E2F1: variants seen among roughly 807,000 people sequenced by gnomAD.
E2F1 encodes the protein transcription factor E2F1.
In E2F1, 7 loss-of-function variants were observed where a neutral mutation model predicts 36.9. The observed-to-expected ratio is 0.19, with a 90% CI of 0.11 to 0.36. E2F1 has a LOEUF of 0.36. E2F1 is among the 10% of genes least tolerant of loss of function. The pLI is 1.00. For missense variants in E2F1, 406 were observed against 573.6 expected, an observed-to-expected ratio of 0.71 and a Z score of 2.99; for synonymous variants, 261 against 263.1, an observed-to-expected ratio of 0.99 and a Z score of 0.08.
chr20:33,677,250 G>A lies in E2F1; in HGVS notation c.921C>T (p.Ser307=), dbSNP rs760562883. The change falls in exon 6 of 7, where the codon AGC becomes AGT. Residue 307 remains serine (S), a synonymous_variant. Coordinates refer to ENST00000343380, the MANE Select transcript of E2F1 (RefSeq NM_005225.3). ...CCTCCTGGGATGGGGTCTTCCCAGG[G>A]CTGATCCCACCTACGGTCTCCTCAG... ...LCPEETVGGI[S]PGKTPSQEVT... The A allele has an allele frequency of 9.3e-6, 15 of 1,614,038 alleles. No individual in the cohort carries two copies. The Admixed American group carries it at 1.7e-4, about 18-fold the overall frequency.
At position 33,676,698 on chromosome 20, in the gene E2F1, G is replaced by A; in HGVS notation, c.*34C>T. 1 of 1,567,818 alleles carries A rather than the reference G, an allele frequency of 6.4e-7. No individual in the cohort carries two copies. The highest frequency in any genetic ancestry group is 1.2e-5 in the South Asian group (1 of 84,432). ...CTCCAGGGCTGCAGAGACAAGGTGAGCATCTCTGGAAACCCTGGTCCCTCC... is the reference window on the plus strand; with the variant it reads ...CTCCAGGGCTGCAGAGACAAGGTGAACATCTCTGGAAACCCTGGTCCCTCC... On this transcript the variant is annotated 3_prime_UTR_variant, in exon 7 of 7. Coordinates refer to ENST00000343380, the MANE Select transcript of E2F1 (RefSeq NM_005225.3).
Position 33,678,214 on chromosome 20 carries a change from T to C in E2F1, c.712A>G (p.Thr238Ala). 6.2e-7 allele frequency: 1 copy of C among 1,612,818 alleles called. No individual in the cohort carries two copies. Among genetic ancestry groups the C allele is most frequent in the Non-Finnish European group, 8.5e-7 (1 of 1,179,088 alleles). Reference sequence around the variant, plus strand: ...ATCCAAGGATATCGCTGGCTGTCAGTGTCCTCGGAGAGCAGGCGCAGCTGC... The same window carrying C: ...ATCCAAGGATATCGCTGGCTGTCAGCGTCCTCGGAGAGCAGGCGCAGCTGC... ...TTQLRLLSED[T>A]DSQRLAYVTC... Residue 238 changes from threonine (T) to alanine (A), a missense_variant, in exon 4 of 7, where the codon ACT (threonine) becomes GCT (alanine). Thr to Ala is a moderately conservative substitution (Grantham distance 58, BLOSUM62 0). Transcript: ENST00000343380.
At chr20:33,682,717 C>A (rs942482820) in intron 1 of E2F1, among the ~76,000 whole-genome samples, 1 of 152,208 alleles carries the variant, frequency 6.6e-6, no homozygotes, top group Non-Finnish European at 1.5e-5. Context: ...AAGACATTCA[C>A]TGCTGAAAAA....
At position 33,675,603 on chromosome 20, in the gene E2F1, G is replaced by A. The variant is rs543924348; in HGVS notation, c.*1129C>T. The A allele has an allele frequency of 2.6e-5, 4 of 156,340 alleles. No individual in the cohort carries two copies. The highest frequency in any genetic ancestry group is 9.6e-5 in the African/African-American group (4 of 41,660). The allele number at this position is 156,340 out of a possible 1,614,324, so 9.7% of individuals were successfully genotyped here. ...TCGGGCACGGACAGGGAGAAGGGAA[G>A]TGGAGAATGGGCATTTCCCCAGCAA... On this transcript the variant is annotated 3_prime_UTR_variant, in exon 7 of 7. Coordinates refer to ENST00000343380, the MANE Select transcript of E2F1 (RefSeq NM_005225.3).
rs1444239480 is a variant in E2F1, at chr20:33,677,487, T to C, written c.779A>G (p.Gln260Arg). 1 of 1,614,142 alleles carries C rather than the reference T, an allele frequency of 6.2e-7. No individual in the cohort carries two copies. Among genetic ancestry groups the C allele is most frequent in the Non-Finnish European group, 8.5e-7 (1 of 1,180,016 alleles). Residue 260 changes from glutamine to arginine, a missense_variant, in exon 5 of 7, where the codon CAG (glutamine) becomes CGG (arginine). Transcript: ENST00000343380. Reference protein sequence around the residue: ...DLRSIADPAEQMVMVIKAPPE... With the variant: ...DLRSIADPAERMVMVIKAPPE... The stretch of plus-strand genomic sequence containing the variant: ...AGGGGCTTTGATCACCATAACCATC[T>C]GCTCTGCAGGGTCTGCAATGCTACG...
In E2F1 at chr20:33,676,957, G is replaced by A. The variant is rs758656204; in HGVS notation, c.1089C>T (p.Gly363=). ...CCTCGTCCACGGGAGCCCGCAGGCT[G>A]CCCATCCGGGACAACAGCGGTTCTG... ...LEQEPLLSRM[G]SLRAPVDEDR... is the part of the protein sequence containing the mutation. Residue 363 remains glycine, a synonymous_variant, in exon 7 of 7, where the codon GGC becomes GGT. Transcript: ENST00000343380. The A allele has an allele frequency of 5.8e-6, 9 of 1,564,302 alleles. No homozygotes were observed. The Admixed American group carries it at 1.7e-4, about 29-fold the overall frequency.
chr20:33,678,375 G>A (rs767675186), intron 3 of E2F1, 22 bp from the exon 4 acceptor site: 1 of 1,610,996 alleles, frequency 6.2e-7, no homozygotes, highest in Non-Finnish European at 8.5e-7. Context: ...CACCAGGGAG[G>A]GTAGGGTTAA....
At chr20:33,677,005 C>T in intron 6 of E2F1, 26 bp from the exon 7 acceptor site, 1 of 1,556,744 alleles carries the variant, frequency 6.4e-7, no homozygotes, top group Non-Finnish European at 8.7e-7. Flanking sequence ...GCATCACAGG[C>T]CGGGGATGCC....
Position 33,678,302 on chromosome 20 carries a change from C to G in E2F1, c.624G>C (p.Gln208His). 2 of 1,612,904 alleles carry G rather than the reference C, an allele frequency of 1.2e-6. No homozygotes were observed. Among genetic ancestry groups the G allele is most frequent in the Non-Finnish European group, 1.7e-6 (2 of 1,180,028 alleles). The change falls in exon 4 of 7, where the codon CAG becomes CAC. Residue 208 changes from glutamine (Q) to histidine (H), a missense_variant. By Grantham distance (24) the Gln-to-His change is conservative. Around this residue, in one of 5 missense-constraint regions of E2F1, gnomAD observed 93 missense variants for 143.3 expected, o/e 0.65. Transcript: ENST00000343380. ...CGCTCTCCTGCAGCTGTCGGAGGTC[C>G]TGGGTCAACCCCTCAAGCCGTCCGC... ...GVGGRLEGLT[Q>H]DLRQLQESEQ...
chr20:33,680,244 G>C, intron 2 of E2F1, 82 bp downstream of exon 2: 2 of 1,454,570 alleles, frequency 1.4e-6, no homozygotes, highest in South Asian at 2.4e-5. Flanking sequence ...CCAGACGTTA[G>C]CTTGCAAGCA....
Position 33,677,240 on chromosome 20 carries a change from T to G in E2F1, c.931A>C (p.Thr311Pro). Residue 311 changes from threonine to proline, a missense_variant, in exon 6 of 7, where the codon ACC becomes CCC. Coordinates refer to ENST00000343380, the MANE Select transcript of E2F1 (RefSeq NM_005225.3). ...TCAGAAGTGACCTCCTGGGATGGGGTCTTCCCAGGGCTGATCCCACCTACG... is the reference window on the plus strand; with the variant it reads ...TCAGAAGTGACCTCCTGGGATGGGGGCTTCCCAGGGCTGATCCCACCTACG... ...ETVGGISPGKTPSQEVTSEEE... is the reference protein window; with the variant it reads ...ETVGGISPGKPPSQEVTSEEE... 5 of 1,613,916 alleles carry G rather than the reference T, an allele frequency of 3.1e-6. No homozygotes were observed. The South Asian group carries it at 5.5e-5, about 18-fold the overall frequency.
intron 1 of E2F1, among the ~76,000 whole-genome samples, chr20:33,685,181 G>T (rs1276176157): frequency 6.6e-6 from 1 of 152,180 alleles, no homozygotes; most frequent in African/African-American, 2.4e-5. Flanking sequence ...CAGAGGCCCA[G>T]CCCACCTAGT....
intron 1 of E2F1, among the ~76,000 whole-genome samples, chr20:33,683,744 C>CCCAG (rs1401815551): frequency 6.6e-6 from 1 of 151,910 alleles, no homozygotes. Flanking sequence ...TGCACTCCAG[C>CCCAG]CTGGGTAACA....
intron 3 of E2F1, among the ~76,000 whole-genome samples, chr20:33,678,732 T>C (rs1485926709): frequency 1.3e-5 from 2 of 151,296 alleles, no homozygotes; most frequent in Admixed American, 6.6e-5. Flanking sequence ...GGCCAGAGGA[T>C]TGCTTGAGCC....
chr20:33,686,228 C>G lies in E2F1; in HGVS notation c.37G>C (p.Ala13Pro), dbSNP rs2018068417. 7.8e-6 allele frequency: 8 copies of G among 1,024,868 alleles called. No homozygotes were observed. Among genetic ancestry groups the G allele is most frequent in the Non-Finnish European group, 9.3e-6 (8 of 857,628 alleles). The allele number at this position is 1,024,868 out of a possible 1,614,324, so 63.5% of individuals were successfully genotyped here. The change falls in exon 1 of 7, where the codon GCG (alanine) becomes CCG (proline). Residue 13 changes from alanine to proline, a missense_variant. Transcript: ENST00000343380. The part of the protein sequence containing the change: ...LAGAPAGGPC[A>P]PALEALLGAG... The stretch of plus-strand genomic sequence containing the variant: ...CCGAGCAGGGCCTCCAGCGCCGGCG[C>G]GCATGGGCCGCCCGCAGGGGCCCCG...
chr20:33,677,504 A>G lies in E2F1; in HGVS notation c.762T>C (p.Ile254=), dbSNP rs777808893. The G allele has an allele frequency of 5.4e-5, 87 of 1,613,932 alleles. No homozygotes were observed. The highest frequency in any genetic ancestry group is 7.3e-5 in the Non-Finnish European group (86 of 1,179,982). Reference sequence around the variant, plus strand: ...TAACCATCTGCTCTGCAGGGTCTGCAATGCTACGAAGGTCCTGACACGTCA... The same window carrying G: ...TAACCATCTGCTCTGCAGGGTCTGCGATGCTACGAAGGTCCTGACACGTCA... The part of the protein sequence containing the change: ...AYVTCQDLRS[I]ADPAEQMVMV... Residue 254 remains isoleucine (I), a synonymous_variant, in exon 5 of 7, where the codon ATT becomes ATC. Transcript: ENST00000343380.
chr20:33,678,498 G>T, intron 3 of E2F1, 145 bp from the exon 4 acceptor site: 1 of 1,036,954 alleles, frequency 9.6e-7, no homozygotes, highest in Non-Finnish European at 1.4e-6. Flanking sequence ...TGGCTCCTCA[G>T]CTGGGCTCCA....
chr20:33,681,511 G>A (rs1278707320), intron 1 of E2F1, among the ~76,000 whole-genome samples: 2 of 152,140 alleles, frequency 1.3e-5, no homozygotes, highest in South Asian at 2.1e-4. Flanking sequence ...GGCAACTAAA[G>A]CCCAGGGAGG....
chr20:33,684,013 C>A (rs761439506), intron 1 of E2F1, among the ~76,000 whole-genome samples: 46 of 152,304 alleles, frequency 3.0e-4, no homozygotes, highest in Non-Finnish European at 5.9e-4. Flanking sequence ...ACTTTCTGGA[C>A]TTCAGTTCCA....
Sources: gnomAD v4.1 joint callset for allele counts (sites outside exome capture counted in the v4.1 genomes callset) on GRCh38, gnomAD v4.1.1 for gene constraint, gnomAD v4.1.1 regional missense constraint, MANE v1.5 for transcripts, NCBI Gene and HGNC (gene_info 2026-07-23, HGNC 2026-07-21) for gene names.